PDE2A: variants seen among roughly 807,000 people sequenced by gnomAD.
The protein encoded by PDE2A is phosphodiesterase 2A.
In PDE2A, 53 loss-of-function variants were observed where a neutral mutation model predicts 133.6. The ratio of observed to expected loss-of-function variants is 0.40; its 90% confidence interval spans 0.32 to 0.50. PDE2A has a LOEUF of 0.50. PDE2A is among the 20% of genes least tolerant of loss of function. PDE2A has a pLI of 0.73. For synonymous variants in PDE2A, 491 were observed against 490.2 expected (o/e 1.00, Z -0.02); for missense variants, 796 against 1,232.4 (o/e 0.65, Z 5.30).
At chr11:72,668,962 T>C in intron 1 of PDE2A, 1 of 1,003,104 alleles carries the variant, frequency 1.0e-6, no homozygotes, top group Non-Finnish European at 1.2e-6. Flanking sequence ...GCTAAATCTT[T>C]CTGAAAGTGT....
chr11:72,613,909 C>T (rs1057208419), intron 2 of PDE2A, among the ~76,000 whole-genome samples: 10 of 152,160 alleles, frequency 6.6e-5, no homozygotes, highest in African/African-American at 2.2e-4. Context: ...CACAGGAGAA[C>T]GTATCGACCT....
intron 1 of PDE2A, among the ~76,000 whole-genome samples, chr11:72,660,986 T>C (rs1471217019): frequency 6.6e-6 from 1 of 152,066 alleles, no homozygotes; most frequent in Non-Finnish European, 1.5e-5. Flanking sequence ...AGAGGGCATC[T>C]GGCTGTGTCC....
intron 2 of PDE2A, among the ~76,000 whole-genome samples, chr11:72,617,882 G>T (rs575901779): frequency 6.6e-6 from 1 of 152,182 alleles, no homozygotes; most frequent in Non-Finnish European, 1.5e-5. Flanking sequence ...CACTTTTATT[G>T]TTCCTAAAAA....
At chr11:72,618,990 C>T (rs912211757) in intron 2 of PDE2A, among the ~76,000 whole-genome samples, 2 of 152,192 alleles carry the variant, frequency 1.3e-5, no homozygotes, top group Admixed American at 6.5e-5. Flanking sequence ...TGGAATCTCT[C>T]CTACTTTCCT....
chr11:72,672,400 C>G (rs1027226604), intron 1 of PDE2A, among the ~76,000 whole-genome samples: 2 of 152,130 alleles, frequency 1.3e-5, no homozygotes, highest in Admixed American at 6.5e-5. Flanking sequence ...TGGCCAGTCT[C>G]GTCTCAAACT....
intron 2 of PDE2A, chr11:72,631,124 A>T: frequency 6.5e-7 from 1 of 1,547,266 alleles, no homozygotes; most frequent in Non-Finnish European, 8.7e-7. Flanking sequence ...CTCCTTTGCA[A>T]GGGGGTCCAG....
chr11:72,634,997 G>A (rs1858608136), intron 2 of PDE2A, among the ~76,000 whole-genome samples: 1 of 152,208 alleles, frequency 6.6e-6, no homozygotes, highest in African/African-American at 2.4e-5. Context: ...GTCAGGGAAG[G>A]GGCGGGGGTG....
In PDE2A at chr11:72,577,606, T is replaced by TG. The variant is rs3842266; in HGVS notation, c.2616-13dup. The TG allele has an allele frequency of 1.3e-6, 2 of 1,582,774 alleles. No individual in the cohort carries two copies. Among genetic ancestry groups the TG allele is most frequent in the Non-Finnish European group, 1.7e-6 (2 of 1,165,092 alleles). On this transcript the variant is annotated splice_polypyrimidine_tract_variant and intron_variant, in intron 30 of 30. Coordinates refer to ENST00000334456, the MANE Select transcript of PDE2A (RefSeq NM_002599.5). ...GGTCCTGCAACAGCCTGCGGGTGCA[T>TG]GGGGGGCAGAGGGCGAGAGGCCAGA...
intron 2 of PDE2A, among the ~76,000 whole-genome samples, chr11:72,638,594 T>C (rs145215816): frequency 1.8e-3 from 267 of 152,328 alleles, no homozygotes; most frequent in African/African-American, 6.0e-3. Flanking sequence ...ATGAGGCCAG[T>C]TTGGCCACCA....
intron 6 of PDE2A, among the ~76,000 whole-genome samples, chr11:72,595,123 G>T (rs571089351): frequency 1.3e-5 from 2 of 151,852 alleles, no homozygotes; most frequent in East Asian, 3.9e-4. Context: ...CAAGCATTCC[G>T]CCCACAAGGG....
chr11:72,622,393 T>C (rs12276767), intron 2 of PDE2A, among the ~76,000 whole-genome samples: 66,370 of 152,078 alleles, frequency 0.44, 14,779 homozygotes, highest in Middle Eastern at 0.53. Context: ...CTTGAAGAGA[T>C]ATTTGTACAC....
intron 4 of PDE2A, chr11:72,599,047 G>A: frequency 1.0e-6 from 1 of 985,248 alleles, no homozygotes; most frequent in Middle Eastern, 5.2e-4. Flanking sequence ...GGTGACCCCT[G>A]GCCAAACCCT....
intron 2 of PDE2A, among the ~76,000 whole-genome samples, chr11:72,618,485 G>A (rs1857586118): frequency 6.6e-6 from 1 of 152,176 alleles, no homozygotes; most frequent in African/African-American, 2.4e-5. Flanking sequence ...CCCTGGGCAG[G>A]TGGGGCACCA....
chr11:72,671,690 G>A (rs974784008), intron 1 of PDE2A, among the ~76,000 whole-genome samples: 6 of 152,128 alleles, frequency 3.9e-5, no homozygotes, highest in African/African-American at 1.4e-4. Flanking sequence ...GCAACCAAGA[G>A]GTTCCGGGCA....
At chr11:72,589,838 T>C (rs757948889) in intron 10 of PDE2A, 46 bp from the exon 11 acceptor site, 1 of 1,610,958 alleles carries the variant, frequency 6.2e-7, no homozygotes, top group Non-Finnish European at 8.5e-7. Flanking sequence ...AGGCAATGGA[T>C]TTCCCCCTCG....
intron 1 of PDE2A, among the ~76,000 whole-genome samples, chr11:72,653,617 G>A (rs4944635): frequency 0.14 from 21,042 of 152,096 alleles, 1,533 homozygotes; most frequent in Middle Eastern, 0.16. Context: ...GAGAGGAGAG[G>A]ACTGGAGAGG....
chr11:72,611,621 G>A (rs1857216076), intron 2 of PDE2A, among the ~76,000 whole-genome samples: 1 of 152,214 alleles, frequency 6.6e-6, no homozygotes, highest in Non-Finnish European at 1.5e-5. Flanking sequence ...GGCAGCAGCA[G>A]GGAAGGGCTT....
At chr11:72,632,053 G>A (rs1261832281) in intron 2 of PDE2A, among the ~76,000 whole-genome samples, 6 of 152,202 alleles carry the variant, frequency 3.9e-5, no homozygotes, top group Middle Eastern at 3.2e-3. Context: ...AGGGGGATGA[G>A]ACACCCATCC....
chr11:72,663,250 T>C (rs532732105), intron 1 of PDE2A, among the ~76,000 whole-genome samples: 1 of 152,004 alleles, frequency 6.6e-6, no homozygotes, highest in Non-Finnish European at 1.5e-5. Flanking sequence ...TCAAGGCCAG[T>C]TGGGATGAAT....
Sources: gnomAD v4.1 joint callset for allele counts (sites outside exome capture counted in the v4.1 genomes callset) on GRCh38, gnomAD v4.1.1 for gene constraint, MANE v1.5 for transcripts, NCBI Gene and HGNC (gene_info 2026-07-23, HGNC 2026-07-21) for gene names.